DERA: variants seen among roughly 807,000 people sequenced by gnomAD.
The protein encoded by DERA is deoxyribose-phosphate aldolase.
In DERA, 15 loss-of-function variants were observed where a neutral mutation model predicts 41.1. The ratio of observed to expected loss-of-function variants is 0.37; its 90% CI spans 0.24 to 0.56. DERA has a LOEUF of 0.56. DERA is among the 20% of genes least tolerant of loss of function. The pLI is 0.81. For synonymous variants in DERA, 139 were observed against 137.4 expected (o/e 1.01, Z -0.08); for missense variants, 396 against 403.4 (o/e 0.98, Z 0.16).
intron 1 of DERA, among the ~76,000 whole-genome samples, chr12:15,944,687 C>T (rs1948433812): frequency 6.6e-6 from 1 of 152,170 alleles, no homozygotes; most frequent in Admixed American, 6.5e-5. Context: ...GTTGCCTGTT[C>T]ACTCTAATGG....
In DERA at chr12:15,994,868, A is replaced by G. The variant is rs927596740; in HGVS notation, c.637+12432A>G. Among the ~76,000 whole-genome samples the G allele has an allele frequency of 1.3e-5, 2 of 152,258 alleles. No individual in the cohort carries two copies. The highest frequency in any genetic ancestry group is 2.9e-5 in the Non-Finnish European group (2 of 68,044). The stretch of plus-strand genomic sequence containing the variant: ...TGAATGAATAAATGAAAAAAGAGTA[A>G]TAAATCATGTGAAGTTGGTAGTTTA... On this transcript the variant is annotated intron_variant, in intron 6 of 8. Coordinates refer to ENST00000428559, the MANE Select transcript of DERA (RefSeq NM_015954.4). The surrounding 1 kb of genome is among the most constrained non-coding windows in gnomAD (Gnocchi z 4.8).
At chr12:15,971,508 CTTTTTTTT>C (rs56142412) in intron 5 of DERA, among the ~76,000 whole-genome samples, 3 of 97,052 alleles carry the variant, frequency 3.1e-5, no homozygotes, top group Non-Finnish European at 1.9e-5. Context: ...TATCTCAACT[CTTTTTTTT>C]TTTTTTTTTT....
At chr12:15,920,437 A>G (rs1298885148) in intron 1 of DERA, among the ~76,000 whole-genome samples, 2 of 152,088 alleles carry the variant, frequency 1.3e-5, no homozygotes, top group Non-Finnish European at 2.9e-5. Context: ...CTTCTTTTCC[A>G]CTAGTTTACC....
At position 15,967,523 on chromosome 12, in the gene DERA, T is replaced by C. The variant is rs1187345738; in HGVS notation, c.508+4576T>C. On this transcript the variant is annotated intron_variant, in intron 5 of 8. Transcript: ENST00000428559. This position sits in a 1 kb window ranked among gnomAD's most constrained non-coding sequence, Gnocchi z 4.9. ...TACAATTTAATTTTTTCTTGATTAT[T>C]CCAAACTGTTTCATTACTGATTATA... Among the ~76,000 whole-genome samples, 8 of 152,368 alleles carry C rather than the reference T, an allele frequency of 5.3e-5. No homozygotes were observed. Among genetic ancestry groups the C allele is most frequent in the African/African-American group, 1.9e-4 (8 of 41,594 alleles).
chr12:15,959,986 G>C lies in DERA; in HGVS notation c.373+62G>C. ...ACATGTTTCCAGTTCTTCATACAATGGGGTATTATATGTAGGTTTGTACTA... is the reference window on the plus strand; with the variant it reads ...ACATGTTTCCAGTTCTTCATACAATCGGGTATTATATGTAGGTTTGTACTA... On this transcript the variant is annotated intron_variant, in intron 4 of 8. Coordinates refer to ENST00000428559, the MANE Select transcript of DERA (RefSeq NM_015954.4). This position sits in a 1 kb window ranked among gnomAD's most constrained non-coding sequence, Gnocchi z 4.5. The C allele has an allele frequency of 3.3e-6, 4 of 1,218,234 alleles. No individual in the cohort carries two copies. The highest frequency in any genetic ancestry group is 4.7e-6 in the Non-Finnish European group (4 of 852,452). The allele number at this position is 1,218,234 out of a possible 1,614,324, so 75.5% of individuals were successfully genotyped here.
chr12:16,029,160 C>T (rs1169492663), intron 6 of DERA, among the ~76,000 whole-genome samples: 1 of 152,128 alleles, frequency 6.6e-6, no homozygotes, highest in East Asian at 1.9e-4. Context: ...ACTGGCCGGG[C>T]GCGGTGGCTC....
chr12:16,032,334 G>A (rs1004877465), intron 6 of DERA, among the ~76,000 whole-genome samples: 2 of 152,096 alleles, frequency 1.3e-5, no homozygotes, highest in Non-Finnish European at 2.9e-5. Flanking sequence ...GAATATATTT[G>A]GTGCCTAATA....
At chr12:15,919,253 A>C (rs976503059) in intron 1 of DERA, among the ~76,000 whole-genome samples, 1 of 152,168 alleles carries the variant, frequency 6.6e-6, no homozygotes, top group Non-Finnish European at 1.5e-5. Flanking sequence ...TGCTAAGTTA[A>C]AAAACATTTT....
intron 1 of DERA, among the ~76,000 whole-genome samples, chr12:15,947,068 T>C (rs1948456117): frequency 6.6e-6 from 1 of 152,238 alleles, no homozygotes; most frequent in Admixed American, 6.5e-5. Flanking sequence ...ATTTCTAGTT[T>C]GATTGCACTG....
chr12:15,934,393 T>C (rs1243553707), intron 1 of DERA, among the ~76,000 whole-genome samples: 1 of 152,092 alleles, frequency 6.6e-6, no homozygotes, highest in Non-Finnish European at 1.5e-5. Context: ...GAGACCATCC[T>C]GGCTAACACG....
At position 15,983,848 on chromosome 12, in the gene DERA, T is replaced by C. The variant is rs2900367; in HGVS notation, c.637+1412T>C. Among the ~76,000 whole-genome samples, 47,903 of 152,032 alleles carry C rather than the reference T, an allele frequency of 0.32. 8,401 individuals carry two copies. Among genetic ancestry groups the C allele is most frequent in the East Asian group, 0.71 (3,651 of 5,160 alleles). On this transcript the variant is annotated intron_variant, in intron 6 of 8. Transcript: ENST00000428559. This position sits in a 1 kb window ranked among gnomAD's most constrained non-coding sequence, Gnocchi z 6.2. ...TGCTGTATCTAGAAAATATCTGCAG[T>C]TGTTATCTGAGAGCAAAATCTCAGA...
intron 6 of DERA, among the ~76,000 whole-genome samples, chr12:16,025,390 A>T (rs73305319): frequency 0.017 from 2,617 of 152,222 alleles, 68 homozygotes; most frequent in African/African-American, 0.06. Flanking sequence ...ATCAAAGTAA[A>T]GTGGGAGTAG....
Position 15,958,267 on chromosome 12 carries a change from G to A in DERA, c.209G>A (p.Arg70Lys). The change falls in exon 3 of 9, where the codon AGG becomes AAG. Residue 70 changes from arginine to lysine, a missense_variant. Arg to Lys is a conservative substitution (Grantham distance 26). Coordinates refer to ENST00000428559, the MANE Select transcript of DERA (RefSeq NM_015954.4). ...GATGATACATCTTCCAACATTCAAA[G>A]GCTCTGTTATAAAGCCAAATACCCA... ...SGDDTSSNIQ[R>K]LCYKAKYPIR... 2 of 1,598,976 alleles carry A rather than the reference G, an allele frequency of 1.3e-6. No individual in the cohort carries two copies. The highest frequency in any genetic ancestry group is 1.7e-6 in the Non-Finnish European group (2 of 1,172,160).
intron 1 of DERA, among the ~76,000 whole-genome samples, chr12:15,932,191 A>C (rs181425700): frequency 1.3e-5 from 2 of 152,372 alleles, no homozygotes; most frequent in African/African-American, 4.8e-5. Context: ...CAAGATGTTA[A>C]TTTGACTGAA....
Position 15,936,882 on chromosome 12 carries a change from T to C in DERA, c.32-20054T>C, listed in dbSNP as rs545562523. Among the ~76,000 whole-genome samples the C allele has an allele frequency of 1.3e-3, 175 of 137,750 alleles. 2 individuals are homozygous for C. The East Asian group carries it at 0.027, about 22-fold the overall frequency. 90.4% of individuals were successfully genotyped at this position (137,750 alleles called of 152,430 possible). ...TGTCTTGTCTTGTCTTGTCTTGTCT[T>C]GTCTTGTCCTGTCCTGTCCTGTCCT... On this transcript the variant is annotated intron_variant, in intron 1 of 8. Coordinates refer to ENST00000428559, the MANE Select transcript of DERA (RefSeq NM_015954.4). The surrounding 1 kb of genome is among the most constrained non-coding windows in gnomAD (Gnocchi z 4.6).
chr12:15,960,077 C>T (rs1948572588), intron 4 of DERA, among the ~76,000 whole-genome samples, 153 bp downstream of exon 4: 1 of 151,698 alleles, frequency 6.6e-6, no homozygotes, highest in Admixed American at 6.6e-5. Flanking sequence ...GTACTAATTG[C>T]TTAGTAAGTG....
chr12:15,979,669 T>C (rs1948720592), intron 5 of DERA, among the ~76,000 whole-genome samples: 1 of 152,202 alleles, frequency 6.6e-6, no homozygotes, highest in African/African-American at 2.4e-5. Context: ...GTAAAATGAT[T>C]TTAGAAATTG....
At position 15,981,789 on chromosome 12, in the gene DERA, A is replaced by G. The variant is rs1349149490; in HGVS notation, c.509-519A>G. 1.3e-5 allele frequency among the ~76,000 whole-genome samples: 2 copies of G among 152,180 alleles called. No individual in the cohort carries two copies. Among genetic ancestry groups the G allele is most frequent in the Non-Finnish European group, 2.9e-5 (2 of 68,030 alleles). On this transcript the variant is annotated intron_variant, in intron 5 of 8. Coordinates refer to ENST00000428559, the MANE Select transcript of DERA (RefSeq NM_015954.4). This position sits in a 1 kb window ranked among gnomAD's most constrained non-coding sequence, Gnocchi z 6.1. Reference sequence around the variant, plus strand: ...GGCCTAACACTTTTTAGTCAGATATATAAACATACTCTGGCAGGCAGTGGG... The same window carrying G: ...GGCCTAACACTTTTTAGTCAGATATGTAAACATACTCTGGCAGGCAGTGGG...
intron 1 of DERA, among the ~76,000 whole-genome samples, chr12:15,932,715 G>A (rs960607906): frequency 6.6e-6 from 1 of 152,044 alleles, no homozygotes; most frequent in African/African-American, 2.4e-5. Flanking sequence ...AACATTTAAA[G>A]TCTATTGTTA....
Sources: allele counts gnomAD v4.1 joint callset (sites outside exome capture counted in the v4.1 genomes callset), GRCh38; gene constraint gnomAD v4.1.1; non-coding constraint Gnocchi (gnomAD v3.1); transcripts MANE v1.5; gene names NCBI Gene and HGNC (gene_info 2026-07-23, HGNC 2026-07-21).